Variants in TMEM178B observed in about 807,000 individuals in gnomAD.
TMEM178B encodes transmembrane protein 178B.
Under a neutral mutation model 31.0 loss-of-function variants are expected in TMEM178B, and 5 were observed. The observed-to-expected ratio is 0.16, with a 90% CI of 0.08 to 0.34. TMEM178B has a LOEUF of 0.34. TMEM178B is among the 10% of genes least tolerant of loss of function. The pLI is 1.00. For synonymous variants in TMEM178B, 164 were observed against 164.0 expected, an observed-to-expected ratio of 1.00 and a Z score of 0.00; for missense variants, 275 against 400.3, an observed-to-expected ratio of 0.69 and a Z score of 2.67.
chr7:141,131,767 G>A (rs955898404), intron 1 of TMEM178B, among the ~76,000 whole-genome samples: 15 of 152,044 alleles, frequency 9.9e-5, no homozygotes, highest in African/African-American at 3.6e-4. Flanking sequence ...GAACATTTTT[G>A]TATAAGTCTT....
the TMEM178B span, among the ~76,000 whole-genome samples, chr7:141,507,112 T>A: frequency 6.6e-6 from 1 of 152,164 alleles, no homozygotes; most frequent in South Asian, 2.1e-4. Flanking sequence ...TGGGCTGGCA[T>A]TGAGTGTCTG....
intron 2 of TMEM178B, among the ~76,000 whole-genome samples, chr7:141,324,191 T>A (rs1302123607): frequency 6.6e-6 from 1 of 152,034 alleles, no homozygotes; most frequent in African/African-American, 2.4e-5. Flanking sequence ...AGGACAGATA[T>A]TATATGAATT....
At chr7:141,215,337 A>ATTTTTTTTTTTTTTTTT (rs67571979) in intron 2 of TMEM178B, among the ~76,000 whole-genome samples, 1 of 141,486 alleles carries the variant, frequency 7.1e-6, no homozygotes, top group Admixed American at 7.3e-5. Context: ...TATTATTATT[A>ATTTTTTTTTTTTTTTTT]TTTTTTGAGA....
At chr7:141,143,236 A>C (rs1207873455) in intron 1 of TMEM178B, among the ~76,000 whole-genome samples, 1 of 152,108 alleles carries the variant, frequency 6.6e-6, no homozygotes. Context: ...CCCACTTGTG[A>C]ATATTTGTTT....
chr7:141,382,099 A>G (rs1490384202), intron 2 of TMEM178B, among the ~76,000 whole-genome samples: 4 of 152,164 alleles, frequency 2.6e-5, no homozygotes, highest in African/African-American at 9.7e-5. Flanking sequence ...CATAGGGAGA[A>G]CTGTTCTACC....
chr7:141,344,683 A>G lies in TMEM178B; in HGVS notation c.497-92925A>G, dbSNP rs1799588239. ...CTCTCAGAGGGAGGAACAAAGTATA[A>G]AACAATAAAGATGGACACAGAAGGT... On this transcript the variant is annotated intron_variant, in intron 2 of 3. Transcript: ENST00000565468. This position sits in a 1 kb window ranked among gnomAD's most constrained non-coding sequence, Gnocchi z 4.1. Among the ~76,000 whole-genome samples, 2 of 151,770 alleles carry G rather than the reference A, an allele frequency of 1.3e-5. No individual in the cohort carries two copies. The highest frequency in any genetic ancestry group is 6.6e-5 in the Admixed American group (1 of 15,226).
At chr7:141,351,280 C>T (rs562707660) in intron 2 of TMEM178B, among the ~76,000 whole-genome samples, 11 of 152,272 alleles carry the variant, frequency 7.2e-5, no homozygotes, top group Non-Finnish European at 1.6e-4. Context: ...GTGATCTGGG[C>T]TCAGCTGGGC....
chr7:141,129,158 A>G (rs975763915), intron 1 of TMEM178B, among the ~76,000 whole-genome samples: 1 of 152,130 alleles, frequency 6.6e-6, no homozygotes. Context: ...TGTGATGTTC[A>G]TTCGTGTGTC....
intron 3 of TMEM178B, among the ~76,000 whole-genome samples, chr7:141,463,691 G>C (rs1802100864): frequency 1.3e-5 from 2 of 152,222 alleles, no homozygotes; most frequent in South Asian, 4.1e-4. Flanking sequence ...AGAGCTGGAA[G>C]AAGGCCCTTC....
chr7:141,374,148 C>T (rs892785640), intron 2 of TMEM178B, among the ~76,000 whole-genome samples: 1 of 152,146 alleles, frequency 6.6e-6, no homozygotes, highest in African/African-American at 2.4e-5. Flanking sequence ...GGACTGTAAA[C>T]GCCCAGGAGC....
chr7:141,291,996 A>G (rs551283754), intron 2 of TMEM178B, among the ~76,000 whole-genome samples: 1 of 117,802 alleles, frequency 8.5e-6, no homozygotes, highest in Admixed American at 9.0e-5. Flanking sequence ...GCTCTTTGTT[A>G]TTTCATCTTG....
At chr7:141,087,620 A>G (rs1361712518) in intron 1 of TMEM178B, among the ~76,000 whole-genome samples, 1 of 152,254 alleles carries the variant, frequency 6.6e-6, no homozygotes, top group East Asian at 1.9e-4. Flanking sequence ...AGCGAGAACT[A>G]GTAAAGAAAA....
rs1802442606 is a variant in TMEM178B at position 141,479,865 on chromosome 7, C to G, written c.*9079C>G. ...GTGTACTGCAGGATTCTAACAATGC[C>G]TCTGCCCTTGGAGGCAGCAATTCCT... On this transcript the variant is annotated 3_prime_UTR_variant, in exon 4 of 4. Transcript: ENST00000565468. 6.6e-6 allele frequency: 1 copy of G among 152,198 alleles called. No homozygotes were observed. Among genetic ancestry groups the G allele is most frequent in the African/African-American group, 2.4e-5 (1 of 41,444 alleles). 9.4% of individuals were successfully genotyped at this position (152,198 alleles called of 1,614,324 possible).
intron 1 of TMEM178B, among the ~76,000 whole-genome samples, chr7:141,084,880 AATTT>A (rs1055412169): frequency 2.6e-5 from 4 of 151,916 alleles, no homozygotes; most frequent in Non-Finnish European, 5.9e-5. Context: ...ATTGTTTTGT[AATTT>A]TTTTTTTTGT....
intron 2 of TMEM178B, among the ~76,000 whole-genome samples, chr7:141,403,573 A>G (rs530083077): frequency 3.9e-5 from 6 of 152,344 alleles, no homozygotes; most frequent in African/African-American, 1.4e-4. Context: ...CTTTACTATG[A>G]TCTTGGGCAA....
the TMEM178B span, among the ~76,000 whole-genome samples, chr7:141,509,383 C>T: frequency 3.9e-5 from 6 of 152,170 alleles, no homozygotes; most frequent in Non-Finnish European, 7.3e-5. Context: ...GGCACGGTGG[C>T]TCATGCATGT....
chr7:141,273,288 G>A (rs1016134983), intron 2 of TMEM178B, among the ~76,000 whole-genome samples: 15 of 152,282 alleles, frequency 9.9e-5, no homozygotes, highest in African/African-American at 3.6e-4. Context: ...AACAAGTTCT[G>A]GGGAGCTCAT....
rs1795749717 is a variant in TMEM178B, at chr7:141,140,278, C to CTT, written c.382+65587_382+65588dup. On this transcript the variant is annotated intron_variant, in intron 1 of 3. Coordinates refer to ENST00000565468, the MANE Select transcript of TMEM178B (RefSeq NM_001195278.2). Reference sequence around the variant, plus strand: ...CCGAAGATCTGAACTTTCTCCTCTCCTTACACGACTCAGACCTTCAAGTGC... The same window carrying CTT: ...CCGAAGATCTGAACTTTCTCCTCTCCTTTTACACGACTCAGACCTTCAAGTGC... Among the ~76,000 whole-genome samples the CTT allele has an allele frequency of 2.0e-5, 3 of 152,332 alleles. No individual in the cohort carries two copies. In the South Asian group the frequency reaches 6.2e-4, roughly 32 times the overall value.
chr7:141,117,201 G>A (rs1410373554), intron 1 of TMEM178B, among the ~76,000 whole-genome samples: 2 of 152,132 alleles, frequency 1.3e-5, no homozygotes, highest in African/African-American at 4.8e-5. Flanking sequence ...TTTAACGATT[G>A]CCATTCTAAC....
Sources: allele counts gnomAD v4.1 joint callset (sites outside exome capture counted in the v4.1 genomes callset), GRCh38; gene constraint gnomAD v4.1.1; non-coding constraint Gnocchi (gnomAD v3.1); transcripts MANE v1.5; gene names NCBI Gene and HGNC (gene_info 2026-07-23, HGNC 2026-07-21).